MAP4K4: variants seen among roughly 807,000 people sequenced by gnomAD.
MAP4K4 encodes HPK/GCK-like kinase HGK.
Under a neutral mutation model 189.6 loss-of-function variants are expected in MAP4K4, and 38 were observed. That is an observed-to-expected ratio of 0.20 (90% confidence interval 0.15 to 0.26). MAP4K4 has a LOEUF of 0.26. Among genes scored for constraint, MAP4K4 ranks in the 10% least tolerant of loss-of-function variants. The probability of loss-of-function intolerance (pLI) is 1.00; values close to 1 mark genes in which losing one functional copy is unlikely to be tolerated. For synonymous variants in MAP4K4, 610 were observed against 624.3 expected (o/e 0.98, Z 0.34); for missense variants, 1,054 against 1,726.9 (o/e 0.61, Z 6.91).
chr2:101,779,442 C>G (rs2086127367), intron 2 of MAP4K4, among the ~76,000 whole-genome samples: 2 of 152,062 alleles, frequency 1.3e-5, no homozygotes, highest in Admixed American at 1.3e-4. Context: ...CATTGTGAAT[C>G]TTATACTGAG....
At chr2:101,802,201 T>C (rs1299208599) in intron 3 of MAP4K4, among the ~76,000 whole-genome samples, 2 of 152,224 alleles carry the variant, frequency 1.3e-5, no homozygotes, top group Non-Finnish European at 2.9e-5. Context: ...GCCTCTGTGC[T>C]GCCACCCTTG....
intron 3 of MAP4K4, among the ~76,000 whole-genome samples, chr2:101,823,360 C>CT (rs34939157): frequency 2.0e-5 from 3 of 152,194 alleles, no homozygotes; most frequent in Admixed American, 2.0e-4. Context: ...AGCTGAACCT[C>CT]TTTTCGGGTT....
In MAP4K4 at chr2:101,740,314, C is replaced by T. The variant is rs561268234; in HGVS notation, c.123+41776C>T. On this transcript the variant is annotated intron_variant, in intron 2 of 32. Coordinates refer to ENST00000324219, the Ensembl canonical transcript of MAP4K4. ...GACTACAGGCGCCCGCCACTACGCC[C>T]GGCTAATTTTTTGTATTTTTAGTAG... is the stretch of plus-strand genomic sequence containing the variant. Among the ~76,000 whole-genome samples, 17 of 127,312 alleles carry T rather than the reference C, an allele frequency of 1.3e-4. 1 individual carries two copies. Among genetic ancestry groups the T allele is most frequent in the South Asian group, 8.7e-4 (4 of 4,614 alleles). 83.5% of individuals were successfully genotyped at this position (127,312 alleles called of 152,430 possible). A position where few individuals can be genotyped will look rare whatever the true frequency, so the allele number is the denominator to read the frequency against.
intron 2 of MAP4K4, among the ~76,000 whole-genome samples, chr2:101,709,896 G>A (rs961974390): frequency 6.6e-6 from 1 of 151,946 alleles, no homozygotes; most frequent in Admixed American, 6.6e-5. Flanking sequence ...CCTTTTGTTA[G>A]GGCCTTACTG....
At chr2:101,781,788 C>T (rs542107854) in intron 2 of MAP4K4, among the ~76,000 whole-genome samples, 4 of 152,280 alleles carry the variant, frequency 2.6e-5, no homozygotes, top group Admixed American at 6.5e-5. Context: ...TCTTCTCTTG[C>T]ACCCTTCATT....
intron 3 of MAP4K4, among the ~76,000 whole-genome samples, chr2:101,793,766 G>C (rs1274061322): frequency 6.6e-6 from 1 of 152,070 alleles, no homozygotes; most frequent in Non-Finnish European, 1.5e-5. Context: ...TGGTGTGGCT[G>C]CTCTTCTCCC....
Position 101,807,971 on chromosome 2 carries a change from G to A in MAP4K4, c.181-15957G>A, listed in dbSNP as rs547141478. Among the ~76,000 whole-genome samples the A allele has an allele frequency of 2.8e-3, 427 of 152,306 alleles. 1 individual carries two copies. Among genetic ancestry groups the A allele is most frequent in the African/African-American group, 9.9e-3 (411 of 41,560 alleles). The stretch of plus-strand genomic sequence containing the variant: ...CCTCCAGGCCCTACCTCCAGCATTG[G>A]GGATTACAGTTTGACCTGAGATTTG... On this transcript the variant is annotated intron_variant, in intron 3 of 32. Coordinates refer to ENST00000324219, the Ensembl canonical transcript of MAP4K4.
intron 2 of MAP4K4, among the ~76,000 whole-genome samples, chr2:101,716,468 A>T (rs183412554): frequency 2.0e-5 from 3 of 152,134 alleles, no homozygotes; most frequent in African/African-American, 7.2e-5. Flanking sequence ...ACAAACAAAA[A>T]AAACTACAGA....
intron 12 of MAP4K4, among the ~76,000 whole-genome samples, chr2:101,855,197 T>A (rs917645006): frequency 2.0e-5 from 3 of 152,212 alleles, no homozygotes; most frequent in African/African-American, 7.2e-5. Flanking sequence ...TAGCACCTTT[T>A]ACACCTGTTG....
At chr2:101,848,467 G>A (rs2097178814) in intron 12 of MAP4K4, among the ~76,000 whole-genome samples, 1 of 152,192 alleles carries the variant, frequency 6.6e-6, no homozygotes, top group Non-Finnish European at 1.5e-5. Context: ...AATAAAGTAA[G>A]TAAAGATGGT....
At chr2:101,859,180 T>G in intron 14 of MAP4K4, 98 bp downstream of exon 14, 1 of 1,063,448 alleles carries the variant, frequency 9.4e-7, no homozygotes, top group Non-Finnish European at 1.4e-6. Flanking sequence ...ATTTTGGTTT[T>G]GCTGTGGGCA....
exon 33 of MAP4K4, chr2:101,893,113 C>T: frequency 4.4e-6 from 2 of 456,422 alleles, no homozygotes; most frequent in South Asian, 1.5e-5. Context: ...CCACTTGGCA[C>T]CCACTCTGAC....
intron 3 of MAP4K4, among the ~76,000 whole-genome samples, chr2:101,821,980 G>C (rs1172286899): frequency 6.6e-6 from 1 of 152,160 alleles, no homozygotes; most frequent in Non-Finnish European, 1.5e-5. Context: ...CAGTATCCCT[G>C]TCTTCCACTT....
Position 101,888,970 on chromosome 2 carries a change from C to T in MAP4K4, c.4071+35C>T, listed in dbSNP as rs1263225912. Reference sequence around the variant, plus strand: ...CCCTTATGGATTCTTTTTAGTTGCTCTATCTTTTAATAATGGCTTGTTTTC... The same window carrying T: ...CCCTTATGGATTCTTTTTAGTTGCTTTATCTTTTAATAATGGCTTGTTTTC... On this transcript the variant is annotated intron_variant, in intron 32 of 32. Coordinates refer to ENST00000324219, the Ensembl canonical transcript of MAP4K4. 5.1e-6 allele frequency: 8 copies of T among 1,561,682 alleles called. No homozygotes were observed. The African/African-American group carries it at 8.2e-5, about 16-fold the overall frequency.
intron 2 of MAP4K4, among the ~76,000 whole-genome samples, chr2:101,731,205 C>G (rs2058326355): frequency 6.6e-6 from 1 of 151,782 alleles, no homozygotes; most frequent in Non-Finnish European, 1.5e-5. Context: ...CAACCTCCGC[C>G]CCCCAGATTC....
intron 12 of MAP4K4, among the ~76,000 whole-genome samples, chr2:101,854,200 T>A (rs1309683071): frequency 2.0e-5 from 3 of 152,156 alleles, no homozygotes; most frequent in Non-Finnish European, 2.9e-5. Context: ...AAAGGAGTGT[T>A]ATGGTAGTGC....
intron 5 of MAP4K4, among the ~76,000 whole-genome samples, chr2:101,828,503 C>G (rs1282211827): frequency 6.6e-6 from 1 of 152,210 alleles, no homozygotes; most frequent in Non-Finnish European, 1.5e-5. Context: ...CGAATAAGCT[C>G]TGCTCTGTTT....
At chr2:101,844,160 A>G in exon 12 of MAP4K4, 1 of 1,612,750 alleles carries the variant, frequency 6.2e-7, no homozygotes, top group Non-Finnish European at 8.5e-7. Context: ...AGACTGCAGC[A>G]GGAGAACAAG....
chr2:101,891,080 G>C (rs1020907198), intron 32 of MAP4K4, 86 bp from the exon 33 acceptor site: 4 of 1,032,412 alleles, frequency 3.9e-6, no homozygotes, highest in Non-Finnish European at 6.1e-6. Context: ...ACTTGACAGT[G>C]TTGAGGATGA....
Sources: gnomAD v4.1 joint callset for allele counts (sites outside exome capture counted in the v4.1 genomes callset) on GRCh38, gnomAD v4.1.1 for gene constraint, MANE v1.5 for transcripts, NCBI Gene and HGNC (gene_info 2026-07-23, HGNC 2026-07-21) for gene names.